Variants in BNIP5 observed in about 807,000 individuals in gnomAD.
BNIP5 encodes BCL2 interacting protein 5, also known as protein BNIP5.
A neutral mutation model predicts 67.3 loss-of-function variants in BNIP5; 61 were observed. The ratio of observed to expected loss-of-function variants is 0.91; its 90% confidence interval spans 0.74 to 1.12. BNIP5 has a LOEUF of 1.12. Ranked by LOEUF, BNIP5 falls within the 50% of genes most tolerant of loss-of-function variation. BNIP5 has a pLI of 0.00. For missense variants in BNIP5, 826 were observed against 816.3 expected, an observed-to-expected ratio of 1.01 and a Z score of -0.14; for synonymous variants, 317 against 319.0, an observed-to-expected ratio of 0.99 and a Z score of 0.07.
chr6:36,324,299 G>T, intron 6 of BNIP5, 109 bp from the exon 7 acceptor site: 2 of 941,694 alleles, frequency 2.1e-6, no homozygotes, highest in Non-Finnish European at 3.4e-6. Flanking sequence ...CTCCAAGGGG[G>T]CTAAAGAGCT....
chr6:36,329,900 G>A lies in BNIP5; in HGVS notation c.610+181C>T, dbSNP rs1221776103. 2.7e-5 allele frequency among the ~76,000 whole-genome samples: 4 copies of A among 150,736 alleles called. No homozygotes were observed. In the East Asian group the frequency reaches 7.8e-4, roughly 29 times the overall value. ...AAGAAGAAGGAGGAGGAGGAGGAGA[G>A]GAAGGAAGGAAGGAAAGAAGGAAGG... On this transcript the variant is annotated intron_variant, in intron 2 of 11. Transcript: ENST00000437635.
rs1306936456 is a variant in BNIP5 at position 36,330,107 on chromosome 6, T to G, written c.584A>C (p.Glu195Ala). The change falls in exon 2 of 12, where the codon GAG (glutamate) becomes GCG (alanine). Residue 195 changes from glutamate (E) to alanine (A), a missense_variant. Transcript: ENST00000437635. ...CCTGCGAGCTGGGCCCAGGTCAGCC[T>G]CCCCGGAGCGCAAGGCAGCAGCTGC... ...SKAAAALRSG[E>A]ADLGPARRGG... The G allele has an allele frequency of 6.2e-7, 1 of 1,608,804 alleles. No homozygotes were observed. Among genetic ancestry groups the G allele is most frequent in the Non-Finnish European group, 8.5e-7 (1 of 1,179,452 alleles).
chr6:36,330,488 G>A lies in BNIP5; in HGVS notation c.203C>T (p.Ala68Val), dbSNP rs753764235. 11 of 1,614,140 alleles carry A rather than the reference G, an allele frequency of 6.8e-6. No individual in the cohort carries two copies. The highest frequency in any genetic ancestry group is 9.3e-6 in the Non-Finnish European group (11 of 1,179,994). The stretch of plus-strand genomic sequence containing the variant: ...GGGGGCTGCAGCGGTGGTGCAGTGA[G>A]CCTCTGCAGATGGAGCTGGGCTGTC... Reference protein sequence around the residue: ...HSDSPAPSAEAHCTTAAAPTP... With the variant: ...HSDSPAPSAEVHCTTAAAPTP... Residue 68 changes from alanine (A) to valine (V), a missense_variant, in exon 2 of 12, where the codon GCT becomes GTT. Physicochemically the swap from Ala to Val is moderately conservative, Grantham distance 64. Transcript: ENST00000437635.
chr6:36,325,597 A>T (rs1342198766), intron 5 of BNIP5, among the ~76,000 whole-genome samples, 183 bp from the exon 6 acceptor site: 2 of 152,154 alleles, frequency 1.3e-5, no homozygotes, highest in African/African-American at 4.8e-5. Flanking sequence ...GAGTTCCCTT[A>T]TCCCTTTGTG....
chr6:36,324,490 A>G (rs1771710241), intron 6 of BNIP5, among the ~76,000 whole-genome samples: 1 of 147,890 alleles, frequency 6.8e-6, no homozygotes, highest in South Asian at 2.2e-4. Flanking sequence ...TTCAAGGCAT[A>G]TTTTCTATGA....
intron 6 of BNIP5, 120 bp from the exon 7 acceptor site, chr6:36,324,310 G>T (rs1771706394): frequency 1.2e-6 from 1 of 832,588 alleles, no homozygotes; most frequent in South Asian, 1.4e-5. Flanking sequence ...CTAAAGAGCT[G>T]CCAGAGGTGG....
chr6:36,325,403 G>A lies in BNIP5; in HGVS notation c.1048C>T (p.Pro350Ser), dbSNP rs1246238828. ...GTAGATGGGGCCTCCTGGACTTTAG[G>A]TTCTTCCAAGCCTGAGAAGCAGAAG... ...SISSSYGLEE[P>S]KVQEAPSTEA... is the part of the protein sequence containing the mutation. The change falls in exon 6 of 12, where the codon CCT (proline) becomes TCT (serine). Residue 350 changes from proline (P) to serine (S), a missense_variant. By Grantham distance (74) the Pro-to-Ser change is moderately conservative. Coordinates refer to ENST00000437635, the MANE Select transcript of BNIP5 (RefSeq NM_001010903.5). The A allele has an allele frequency of 6.2e-7, 1 of 1,611,836 alleles. No homozygotes were observed. The highest frequency in any genetic ancestry group is 8.5e-7 in the Non-Finnish European group (1 of 1,179,212).
intron 10 of BNIP5, among the ~76,000 whole-genome samples, chr6:36,319,927 TA>T (rs1408007334): frequency 6.6e-6 from 1 of 152,232 alleles, no homozygotes; most frequent in Admixed American, 6.5e-5. Context: ...CTTTATTATT[TA>T]AATGTATAAC....
chr6:36,324,188 C>A lies in BNIP5; in HGVS notation c.1171G>T (p.Glu391Ter). 1.2e-6 allele frequency: 2 copies of A among 1,613,354 alleles called. No individual in the cohort carries two copies. Among genetic ancestry groups the A allele is most frequent in the Non-Finnish European group, 1.7e-6 (2 of 1,179,438 alleles). ...ATGGAAATGATCTTCTGAATGAATT[C>A]TTCTGAAAAAGATCAACACGCATGG... ...LPLDRASEYKEFIQKIISMLQ... is the reference protein window; with the variant it reads ...LPLDRASEYK Residue 391 changes from glutamate to a stop codon, truncating the protein, a stop_gained and splice_region_variant, in exon 7 of 12, where the codon GAA becomes TAA. Coordinates refer to ENST00000437635, the MANE Select transcript of BNIP5 (RefSeq NM_001010903.5). LOFTEE classifies it high-confidence loss of function.
At position 36,323,297 on chromosome 6, in the gene BNIP5, G is replaced by T. The variant is rs1378613565; in HGVS notation, c.1467C>A (p.Ser489Arg). 3 of 1,614,202 alleles carry T rather than the reference G, an allele frequency of 1.9e-6. No individual in the cohort carries two copies. The highest frequency in any genetic ancestry group is 2.5e-6 in the Non-Finnish European group (3 of 1,180,044). Residue 489 changes from serine (S) to arginine (R), a missense_variant, in exon 8 of 12, where the codon AGC becomes AGA. Transcript: ENST00000437635. ...GGCAACACCAGGCCTGCTCACCAAG[G>T]CTGCTGGAGGTGGAGGGCCGATGGC... The part of the protein sequence containing the change: ...VGGHRPSTSS[S>R]LDPEDLECRE...
chr6:36,335,231 A>G (rs1423286495), intron 1 of BNIP5, among the ~76,000 whole-genome samples: 1 of 152,134 alleles, frequency 6.6e-6, no homozygotes, highest in Non-Finnish European at 1.5e-5. Flanking sequence ...TAATTTGTTC[A>G]CCTGGCCGCG....
chr6:36,326,593 C>A lies in BNIP5; in HGVS notation c.953G>T (p.Ser318Ile). Residue 318 changes from serine to isoleucine, a missense_variant, in exon 5 of 12, where the codon AGT becomes ATT. By Grantham distance (142) the Ser-to-Ile change is moderately radical. Coordinates refer to ENST00000437635, the MANE Select transcript of BNIP5 (RefSeq NM_001010903.5). ...EAKRGAADVS[S>I]PEAWPPKKSS... is the part of the protein sequence containing the mutation. ...CTTCTTGGGTGGCCAGGCCTCTGGA[C>A]TGGAAACATCTGCAGCCCCCCTCTT... 1 of 1,614,252 alleles carries A rather than the reference C, an allele frequency of 6.2e-7. No homozygotes were observed. The highest frequency in any genetic ancestry group is 8.5e-7 in the Non-Finnish European group (1 of 1,180,040).
At chr6:36,327,290 C>T (rs2127367799) in intron 3 of BNIP5, among the ~76,000 whole-genome samples, 196 bp from the exon 4 acceptor site, 1 of 152,356 alleles carries the variant, frequency 6.6e-6, no homozygotes, top group Non-Finnish European at 1.5e-5. Context: ...AATCATGACA[C>T]TTTATGCAGG....
chr6:36,319,467 G>A lies in BNIP5; in HGVS notation c.1812C>T (p.Asp604=), dbSNP rs751390155. The change falls in exon 11 of 12, where the codon GAC becomes GAT. Residue 604 remains aspartate (D), a synonymous_variant. Coordinates refer to ENST00000437635, the MANE Select transcript of BNIP5 (RefSeq NM_001010903.5). ...RNRARRLYQF[D]VSLANKFAGS... is the part of the protein sequence containing the mutation. ...CAGCAAATTTGTTAGCTAAGCTAAC[G>A]TCAAACTGGTAGAGTCTCCTGGCGC... The A allele has an allele frequency of 3.7e-6, 6 of 1,614,116 alleles. No individual in the cohort carries two copies. The African/African-American group carries it at 4.0e-5, about 11-fold the overall frequency.
intron 7 of BNIP5, 21 bp downstream of exon 7, chr6:36,324,108 C>A: frequency 1.2e-6 from 2 of 1,606,486 alleles, no homozygotes; most frequent in South Asian, 1.1e-5. Context: ...GTCAGGGTTA[C>A]ATGGGGAGCG....
chr6:36,321,330 C>T (rs1245453358), intron 9 of BNIP5, 111 bp from the exon 10 acceptor site: 2 of 781,810 alleles, frequency 2.6e-6, no homozygotes, highest in Admixed American at 2.1e-5. Context: ...AATATTTTCT[C>T]TCTAAAACTC....
chr6:36,321,769 G>A (rs546009232), intron 9 of BNIP5, among the ~76,000 whole-genome samples: 47 of 152,260 alleles, frequency 3.1e-4, no homozygotes, highest in African/African-American at 9.4e-4. Flanking sequence ...GTGCAGTGGC[G>A]CGATCTCGCC....
chr6:36,330,953 G>A (rs1771892435), intron 1 of BNIP5, among the ~76,000 whole-genome samples: 1 of 152,068 alleles, frequency 6.6e-6, no homozygotes, highest in South Asian at 2.1e-4. Flanking sequence ...TAGTAGAGAT[G>A]GGGTTTCACC....
chr6:36,335,861 A>G (rs1772004906), intron 1 of BNIP5, among the ~76,000 whole-genome samples: 1 of 152,146 alleles, frequency 6.6e-6, no homozygotes, highest in African/African-American at 2.4e-5. Context: ...TTCTACACCA[A>G]ATGGCCTCAT....
Sources: allele counts gnomAD v4.1 joint callset (sites outside exome capture counted in the v4.1 genomes callset), GRCh38; gene constraint gnomAD v4.1.1; transcripts MANE v1.5; gene names NCBI Gene and HGNC (gene_info 2026-07-23, HGNC 2026-07-21).